LRP1B: variants seen among roughly 807,000 people sequenced by gnomAD.
LRP1B encodes the protein LDL receptor related protein 1B.
In LRP1B, 217 loss-of-function variants were observed where a neutral mutation model predicts 556.6. That is an observed-to-expected ratio of 0.39 (90% confidence interval 0.35 to 0.44). LRP1B has a LOEUF of 0.44. LRP1B is among the 20% of genes least tolerant of loss of function. LRP1B has a pLI of 1.00. For missense variants in LRP1B, 5,053 were observed against 5,620.8 expected (o/e 0.90, Z 3.23); for synonymous variants, 2,047 against 1,865.8 (o/e 1.10, Z -2.50).
chr2:141,974,785 C>A (rs530238130), intron 1 of LRP1B, among the ~76,000 whole-genome samples: 1 of 152,120 alleles, frequency 6.6e-6, no homozygotes, highest in African/African-American at 2.4e-5. Context: ...CCAACCAAAG[C>A]AATTTGAAAT....
At chr2:141,610,689 G>A (rs1419821307) in intron 2 of LRP1B, among the ~76,000 whole-genome samples, 1 of 152,150 alleles carries the variant, frequency 6.6e-6, no homozygotes, top group Non-Finnish European at 1.5e-5. Flanking sequence ...ATTCCACAAA[G>A]TCAGGCAGCA....
intron 51 of LRP1B, among the ~76,000 whole-genome samples, chr2:140,510,678 T>C (rs891678416): frequency 1.3e-5 from 2 of 152,210 alleles, no homozygotes; most frequent in Non-Finnish European, 2.9e-5. Context: ...CTCCATCTTG[T>C]AGTACCAAAA....
intron 2 of LRP1B, among the ~76,000 whole-genome samples, chr2:141,496,966 C>T (rs775999489): frequency 6.6e-6 from 1 of 151,928 alleles, no homozygotes; most frequent in African/African-American, 2.4e-5. Flanking sequence ...TATCTGACAG[C>T]TCGGTTCAAA....
chr2:141,115,618 G>A (rs34019611), intron 7 of LRP1B, among the ~76,000 whole-genome samples: 87,516 of 145,910 alleles, frequency 0.6, 26,736 homozygotes, highest in Middle Eastern at 0.78. Flanking sequence ...CACCATGCCC[G>A]GCTAATTTGT....
In LRP1B at chr2:140,323,977, C is replaced by T. The variant is rs1340296112; in HGVS notation, c.12430G>A (p.Gly4144Ser). ...KNGVFRVQKF[G>S]HGSVEYLALN... ...GCTAAGTACTCTACTGAACCATGGCCAAATTTTTGAACTCGAAATACACCA... is the reference window on the plus strand; with the variant it reads ...GCTAAGTACTCTACTGAACCATGGCTAAATTTTTGAACTCGAAATACACCA... Residue 4144 changes from glycine to serine, a missense_variant, in exon 81 of 91, where the codon GGC becomes AGC. Coordinates refer to ENST00000389484, the MANE Select transcript of LRP1B (RefSeq NM_018557.3). The T allele has an allele frequency of 6.2e-7, 1 of 1,607,502 alleles. No individual in the cohort carries two copies. The highest frequency in any genetic ancestry group is 2.2e-5 in the East Asian group (1 of 44,624).
At chr2:141,643,962 C>T (rs556204110) in intron 2 of LRP1B, among the ~76,000 whole-genome samples, 197 of 151,814 alleles carry the variant, frequency 1.3e-3, no homozygotes, top group Non-Finnish European at 2.1e-3. Flanking sequence ...CAGAAAAACT[C>T]ATGGCACATG....
Position 141,624,075 on chromosome 2 carries a change from T to TAATA in LRP1B, c.206-143546_206-143543dup, listed in dbSNP as rs547281332. ...AAAGAAAAAAAACAAGATTAGTACATAATATATACATGGCATGCAAGGAAT... is the reference window on the plus strand; with the variant it reads ...AAAGAAAAAAAACAAGATTAGTACATAATAAATATATACATGGCATGCAAGGAAT... On this transcript the variant is annotated intron_variant, in intron 2 of 90. Coordinates refer to ENST00000389484, the MANE Select transcript of LRP1B (RefSeq NM_018557.3). 4.0e-3 allele frequency among the ~76,000 whole-genome samples: 498 copies of TAATA among 124,148 alleles called. 3 individuals carry two copies. The highest frequency in any genetic ancestry group is 0.014 in the African/African-American group (470 of 33,060). The allele number at this position is 124,148 out of a possible 152,430, so 81.4% of individuals were successfully genotyped here. A position where few individuals can be genotyped will look rare whatever the true frequency, so the allele number is the denominator to read the frequency against.
At chr2:141,613,120 T>C (rs1234028923) in intron 2 of LRP1B, among the ~76,000 whole-genome samples, 2 of 152,132 alleles carry the variant, frequency 1.3e-5, no homozygotes, top group South Asian at 4.1e-4. Flanking sequence ...TTTTTGTTTT[T>C]TAGGGAAGTC....
chr2:140,982,493 G>A (rs182791986), intron 17 of LRP1B, among the ~76,000 whole-genome samples: 2 of 152,228 alleles, frequency 1.3e-5, no homozygotes, highest in East Asian at 3.9e-4. Context: ...ATCAATGACT[G>A]CTAAATGACA....
intron 2 of LRP1B, among the ~76,000 whole-genome samples, chr2:141,525,877 A>G (rs925659349): frequency 2.6e-5 from 4 of 152,050 alleles, no homozygotes; most frequent in African/African-American, 4.8e-5. Flanking sequence ...CACTTACACA[A>G]AAAATATCGT....
At chr2:140,803,877 C>G (rs1384444118) in intron 32 of LRP1B, among the ~76,000 whole-genome samples, 1 of 116,886 alleles carries the variant, frequency 8.6e-6, no homozygotes, top group East Asian at 2.5e-4. Flanking sequence ...ACCCCCCCAA[C>G]CCCCCCAAAA....
chr2:140,551,199 A>G (rs1271398321), intron 43 of LRP1B, among the ~76,000 whole-genome samples: 2 of 152,196 alleles, frequency 1.3e-5, no homozygotes, highest in Admixed American at 6.6e-5. Context: ...TTTGAGATTT[A>G]CAGCTGCTTT....
intron 1 of LRP1B, among the ~76,000 whole-genome samples, chr2:141,872,122 C>T (rs1698609353): frequency 6.6e-6 from 1 of 151,836 alleles, no homozygotes; most frequent in Non-Finnish European, 1.5e-5. Context: ...GGACACAAGA[C>T]TAGAAGTCTT....
intron 3 of LRP1B, among the ~76,000 whole-genome samples, chr2:141,318,564 C>A (rs1687114468): frequency 6.6e-6 from 1 of 152,088 alleles, no homozygotes; most frequent in Non-Finnish European, 1.5e-5. Context: ...CTCTTTCAGA[C>A]TGGCTTTCTC....
chr2:140,363,869 C>T (rs1682631138), intron 72 of LRP1B, among the ~76,000 whole-genome samples: 1 of 151,490 alleles, frequency 6.6e-6, no homozygotes, highest in South Asian at 2.1e-4. Context: ...CTTTATTTAC[C>T]TGGTGTGCCA....
intron 3 of LRP1B, among the ~76,000 whole-genome samples, chr2:141,388,112 AG>A (rs1689899104): frequency 6.6e-6 from 1 of 152,198 alleles, no homozygotes; most frequent in South Asian, 2.1e-4. Flanking sequence ...ATTGAGGAAA[AG>A]CACTTGTCAA....
chr2:142,027,020 G>T (rs1408965791), intron 1 of LRP1B, among the ~76,000 whole-genome samples: 1 of 152,002 alleles, frequency 6.6e-6, no homozygotes, highest in South Asian at 2.1e-4. Flanking sequence ...CTATTCACTT[G>T]TAGCAGCTAG....
chr2:141,880,767 T>C (rs1180706379), intron 1 of LRP1B, among the ~76,000 whole-genome samples: 1 of 152,084 alleles, frequency 6.6e-6, no homozygotes, highest in Non-Finnish European at 1.5e-5. Context: ...AGAGAGCTAG[T>C]GATGTCTTCT....
intron 31 of LRP1B, among the ~76,000 whole-genome samples, chr2:140,827,919 G>T (rs948693023): frequency 6.6e-6 from 1 of 152,008 alleles, no homozygotes; most frequent in Non-Finnish European, 1.5e-5. Context: ...CTTGGCAATA[G>T]ACTTCTCAAT....
Sources: allele counts gnomAD v4.1 joint callset (sites outside exome capture counted in the v4.1 genomes callset), GRCh38; gene constraint gnomAD v4.1.1; transcripts MANE v1.5; gene names NCBI Gene and HGNC (gene_info 2026-07-23, HGNC 2026-07-21).